Variants in SLC25A13 observed in about 807,000 individuals in gnomAD.
SLC25A13 encodes electrogenic aspartate/glutamate antiporter SLC25A13, mitochondrial.
Under a neutral mutation model 85.5 loss-of-function variants are expected in SLC25A13, and 70 were observed. The observed-to-expected ratio is 0.82, with a 90% CI of 0.68 to 1.00. The LOEUF (loss-of-function observed/expected upper bound fraction) is 1.00, where lower values mean the gene tolerates loss of function less well. SLC25A13 is among the 50% of genes least tolerant of loss of function. SLC25A13 has a pLI of 0.00. For missense variants in SLC25A13, 765 were observed against 819.8 expected, an observed-to-expected ratio of 0.93 and a Z score of 0.82; for synonymous variants, 259 against 288.7, an observed-to-expected ratio of 0.90 and a Z score of 1.04.
At chr7:96,215,734 G>C (rs1043405879) in intron 4 of SLC25A13, among the ~76,000 whole-genome samples, 4 of 151,810 alleles carry the variant, frequency 2.6e-5, no homozygotes, top group African/African-American at 9.7e-5. Context: ...AAAAAATATA[G>C]ACATAATTTT....
chr7:96,124,004 A>G (rs1263259540), intron 15 of SLC25A13, among the ~76,000 whole-genome samples: 1 of 152,222 alleles, frequency 6.6e-6, no homozygotes, highest in Non-Finnish European at 1.5e-5. Context: ...CCTCAGCAGG[A>G]AAGGGACTGG....
At chr7:96,205,768 A>T (rs2116704661) in intron 5 of SLC25A13, among the ~76,000 whole-genome samples, 1 of 152,318 alleles carries the variant, frequency 6.6e-6, no homozygotes, top group East Asian at 1.9e-4. Flanking sequence ...AAGCACAGAA[A>T]AGGACATAGC....
intron 15 of SLC25A13, among the ~76,000 whole-genome samples, chr7:96,125,652 A>G (rs763399189): frequency 6.6e-6 from 1 of 151,926 alleles, no homozygotes; most frequent in Non-Finnish European, 1.5e-5. Context: ...GGGAACTCCT[A>G]TGAAACAGAT....
chr7:96,179,128 C>T (rs1794329211), intron 11 of SLC25A13, among the ~76,000 whole-genome samples: 3 of 152,112 alleles, frequency 2.0e-5, no homozygotes, highest in Non-Finnish European at 4.4e-5. Context: ...AAAATCAGTT[C>T]CTCAACTCCT....
chr7:96,167,154 T>C (rs1793786786), intron 13 of SLC25A13, among the ~76,000 whole-genome samples: 1 of 152,204 alleles, frequency 6.6e-6, no homozygotes. Context: ...CTGAAGTCAA[T>C]TTTTAACAGT....
intron 13 of SLC25A13, among the ~76,000 whole-genome samples, chr7:96,160,446 A>C (rs1793462211): frequency 6.6e-6 from 1 of 152,156 alleles, no homozygotes; most frequent in Non-Finnish European, 1.5e-5. Flanking sequence ...GTGGCTTATA[A>C]ACAACATAAA....
At chr7:96,186,525 C>A (rs1172517623) in intron 9 of SLC25A13, among the ~76,000 whole-genome samples, 1 of 151,928 alleles carries the variant, frequency 6.6e-6, no homozygotes, top group Non-Finnish European at 1.5e-5. Flanking sequence ...TTGGAAATTT[C>A]GATTATTTCC....
At chr7:96,297,260 T>C (rs1327973936) in intron 1 of SLC25A13, among the ~76,000 whole-genome samples, 1 of 152,176 alleles carries the variant, frequency 6.6e-6, no homozygotes, top group Non-Finnish European at 1.5e-5. Context: ...TTTTTACTTA[T>C]AATCCAGTGT....
Position 96,313,111 on chromosome 7 carries a change from A to G in SLC25A13, c.15+8831T>C, listed in dbSNP as rs549084544. Among the ~76,000 whole-genome samples, 13 of 152,356 alleles carry G rather than the reference A, an allele frequency of 8.5e-5. No individual in the cohort carries two copies. In the South Asian group the frequency reaches 2.7e-3, roughly 32 times the overall value. On this transcript the variant is annotated intron_variant, in intron 1 of 17. Coordinates refer to ENST00000265631, the MANE Select transcript of SLC25A13 (RefSeq NM_014251.3). The stretch of plus-strand genomic sequence containing the variant: ...AGAGTTTGAAATATCTTTGAGACAG[A>G]CAAGTTGAGTCTTCCAGCTCAAACT...
intron 4 of SLC25A13, among the ~76,000 whole-genome samples, chr7:96,216,780 A>G (rs777754691): frequency 2.0e-5 from 3 of 152,158 alleles, no homozygotes; most frequent in Non-Finnish European, 4.4e-5. Flanking sequence ...AGGATCAGGA[A>G]AAATAACTAA....
chr7:96,169,796 T>C (rs1793924198), intron 13 of SLC25A13: 3 of 529,438 alleles, frequency 5.7e-6, no homozygotes, highest in Non-Finnish European at 1.0e-5. Flanking sequence ...TGACTTCCAT[T>C]GCAGAACAAA....
intron 3 of SLC25A13, among the ~76,000 whole-genome samples, chr7:96,258,883 C>T (rs985498673): frequency 6.6e-6 from 1 of 152,140 alleles, no homozygotes; most frequent in Non-Finnish European, 1.5e-5. Flanking sequence ...ACCAATGGGA[C>T]AGAATAGAAG....
intron 2 of SLC25A13, among the ~76,000 whole-genome samples, chr7:96,291,529 A>G (rs1412305603): frequency 3.9e-5 from 6 of 152,240 alleles, no homozygotes; most frequent in African/African-American, 9.6e-5. Flanking sequence ...ATAGACTGCT[A>G]GCAAGACTAA....
chr7:96,269,661 T>C (rs1798160070), intron 3 of SLC25A13, among the ~76,000 whole-genome samples: 1 of 152,192 alleles, frequency 6.6e-6, no homozygotes, highest in South Asian at 2.1e-4. Context: ...CATCTGCACT[T>C]ACAGGTTCAC....
intron 14 of SLC25A13, among the ~76,000 whole-genome samples, chr7:96,144,583 T>C (rs899228723): frequency 3.3e-5 from 5 of 152,188 alleles, no homozygotes; most frequent in African/African-American, 1.2e-4. Context: ...TTGCTCAAAC[T>C]TGAGCAATCC....
At chr7:96,286,116 C>G (rs1046704267) in intron 2 of SLC25A13, among the ~76,000 whole-genome samples, 2 of 151,856 alleles carry the variant, frequency 1.3e-5, no homozygotes, top group Non-Finnish European at 2.9e-5. Context: ...AACCCCATCT[C>G]TACTAAAAAT....
rs1258297177 is a variant in SLC25A13, at chr7:96,121,740, C to A, written c.1756G>T (p.Val586Leu). 1.2e-6 allele frequency: 2 copies of A among 1,614,014 alleles called. No homozygotes were observed. The highest frequency in any genetic ancestry group is 8.5e-7 in the Non-Finnish European group (1 of 1,180,026). The change falls in exon 17 of 18, where the codon GTA becomes TTA. Residue 586 changes from valine to leucine, a missense_variant. Val to Leu is a conservative substitution (Grantham distance 32, BLOSUM62 1). Coordinates refer to ENST00000265631, the MANE Select transcript of SLC25A13 (RefSeq NM_014251.3). ...CCAAACTGGGGTGAGGATCGAAATA[C>A]ACGAGCTTTAAAAAAATGGAGAAAT... ...KALWKGAGARVFRSSPQFGVT... is the reference protein window; with the variant it reads ...KALWKGAGARLFRSSPQFGVT...
At chr7:96,198,891 G>A (rs1375253190) in intron 5 of SLC25A13, among the ~76,000 whole-genome samples, 1 of 152,192 alleles carries the variant, frequency 6.6e-6, no homozygotes, top group Non-Finnish European at 1.5e-5. Flanking sequence ...GGTTGACCAT[G>A]ATGAAAAACC....
chr7:96,295,879 G>GTGTGTGTATATATACATATATATTATA lies in SLC25A13; in HGVS notation c.69+992_69+1018dup, dbSNP rs1325950517. Among the ~76,000 whole-genome samples, 30 of 150,990 alleles carry GTGTGTGTATATATACATATATATTATA rather than the reference G, an allele frequency of 2.0e-4. 1 individual carries two copies. Among genetic ancestry groups the GTGTGTGTATATATACATATATATTATA allele is most frequent in the African/African-American group, 6.8e-4 (28 of 41,218 alleles). ...ATGTTATTAATAATATATCATATAT[G>GTGTGTGTATATATACATATATATTATA]TGTGTGTATATATACATATATATTA... is the stretch of plus-strand genomic sequence containing the variant. On this transcript the variant is annotated intron_variant, in intron 2 of 17. Transcript: ENST00000265631.
Sources: gnomAD v4.1 joint callset for allele counts (sites outside exome capture counted in the v4.1 genomes callset) on GRCh38, gnomAD v4.1.1 for gene constraint, MANE v1.5 for transcripts, NCBI Gene and HGNC (gene_info 2026-07-23, HGNC 2026-07-21) for gene names.